APBB2: variants seen among roughly 807,000 people sequenced by gnomAD.
The protein encoded by APBB2 is amyloid beta precursor protein binding family B member 2.
A neutral mutation model predicts 82.5 loss-of-function variants in APBB2; 38 were observed. That is an observed-to-expected ratio of 0.46 (90% CI 0.36 to 0.60). The LOEUF (loss-of-function observed/expected upper bound fraction) is 0.60. Ranked by LOEUF, APBB2 falls within the 20% of genes least tolerant of loss-of-function variation. APBB2 has a pLI of 0.00. For synonymous variants in APBB2, 341 were observed against 368.2 expected, an observed-to-expected ratio of 0.93 and a Z score of 0.85; for missense variants, 772 against 972.3, an observed-to-expected ratio of 0.79 and a Z score of 2.74.
chr4:41,192,848 ACT>A (rs1451571574), intron 1 of APBB2, among the ~76,000 whole-genome samples: 4 of 152,138 alleles, frequency 2.6e-5, no homozygotes, highest in Admixed American at 2.0e-4. Flanking sequence ...ATGATTTTAC[ACT>A]CTCTATGTAT....
At chr4:41,197,376 C>A in intron 1 of APBB2, among the ~76,000 whole-genome samples, 1 of 152,094 alleles carries the variant, frequency 6.6e-6, no homozygotes, top group African/African-American at 2.4e-5. Context: ...ATAGCAAATA[C>A]AAGAATAATA....
chr4:40,861,955 CCA>C (rs1157402349), intron 12 of APBB2, among the ~76,000 whole-genome samples: 1 of 152,024 alleles, frequency 6.6e-6, no homozygotes. Context: ...ATGAAATATC[CCA>C]GTTTATTTAC....
rs1258403446 is a variant in APBB2, at chr4:40,832,849, CAT to C, written c.1530-2274_1530-2273del. 1.3e-5 allele frequency among the ~76,000 whole-genome samples: 2 copies of C among 152,200 alleles called. No individual in the cohort carries two copies. The highest frequency in any genetic ancestry group is 2.9e-5 in the Non-Finnish European group (2 of 68,036). On this transcript the variant is annotated intron_variant, in intron 12 of 17. Transcript: ENST00000508593. This position sits in a 1 kb window ranked among gnomAD's most constrained non-coding sequence, Gnocchi z 4.8. ...GCCTGGCGTATCACCGGTACTAATA[CAT>C]GTTTGCGGGCTGAGTACAAGTGTGG...
intron 4 of APBB2, among the ~76,000 whole-genome samples, chr4:41,052,506 A>T (rs116036862): frequency 0.024 from 3,629 of 152,260 alleles, 142 homozygotes; most frequent in African/African-American, 0.083. Context: ...GCTCTCGTAG[A>T]CAAGATCAAG....
intron 3 of APBB2, among the ~76,000 whole-genome samples, chr4:41,091,828 CA>C (rs1383653125): frequency 2.6e-5 from 4 of 152,076 alleles, no homozygotes; most frequent in Non-Finnish European, 5.9e-5. Flanking sequence ...GGTTTGAGGT[CA>C]GCAAAAAAAT....
At chr4:40,932,228 C>G (rs1002945822) in intron 10 of APBB2, among the ~76,000 whole-genome samples, 1 of 152,246 alleles carries the variant, frequency 6.6e-6, no homozygotes, top group Non-Finnish European at 1.5e-5. Flanking sequence ...CTCTTCCAGC[C>G]TTTGCTGATA....
At chr4:41,120,357 G>A (rs529415303) in intron 2 of APBB2, among the ~76,000 whole-genome samples, 1 of 152,202 alleles carries the variant, frequency 6.6e-6, no homozygotes, top group Non-Finnish European at 1.5e-5. Flanking sequence ...TGTTAACAAA[G>A]TGCCTTTGCA....
chr4:40,880,888 G>C (rs1201427190), intron 12 of APBB2: 1 of 984,866 alleles, frequency 1.0e-6, no homozygotes, highest in African/African-American at 1.7e-5. Context: ...AAATGGACGA[G>C]GTATTTCTCA....
intron 6 of APBB2, among the ~76,000 whole-genome samples, chr4:40,969,406 C>T (rs1795418936): frequency 1.3e-5 from 2 of 152,148 alleles, no homozygotes; most frequent in South Asian, 2.1e-4. Context: ...ATTTATTATA[C>T]AGGCAACACA....
intron 14 of APBB2, 108 bp downstream of exon 14, chr4:40,827,024 G>C (rs906987821): frequency 1.0e-6 from 1 of 979,792 alleles, no homozygotes; most frequent in African/African-American, 1.6e-5. Context: ...ACTGAGTTGA[G>C]TGTGCTCTTT....
At chr4:40,862,018 T>C (rs1232360217) in intron 12 of APBB2, among the ~76,000 whole-genome samples, 1 of 152,230 alleles carries the variant, frequency 6.6e-6, no homozygotes, top group East Asian at 1.9e-4. Flanking sequence ...CTCATCTTTC[T>C]TTCATAGAAA....
rs535863665 is a variant in APBB2 at position 41,076,580 on chromosome 4, A to G, written c.-148-10907T>C. Among the ~76,000 whole-genome samples the G allele has an allele frequency of 2.6e-5, 4 of 152,256 alleles. No homozygotes were observed. In the South Asian group the frequency reaches 8.3e-4, roughly 32 times the overall value. On this transcript the variant is annotated intron_variant, in intron 3 of 17. Coordinates refer to ENST00000508593, the MANE Select transcript of APBB2 (RefSeq NM_004307.2). Reference sequence around the variant, plus strand: ...TGGAGAAACTAACCTGCCCAAGAAAAGAGATCTACAGATACCAAAACTGGA... The same window carrying G: ...TGGAGAAACTAACCTGCCCAAGAAAGGAGATCTACAGATACCAAAACTGGA...
intron 4 of APBB2, among the ~76,000 whole-genome samples, chr4:41,037,691 C>T (rs564385200): frequency 1.3e-5 from 2 of 152,160 alleles, no homozygotes; most frequent in East Asian, 1.9e-4. Flanking sequence ...TTTCTACTGG[C>T]GAAGTCCTGA....
chr4:41,188,129 CAT>C (rs980368905), intron 1 of APBB2, among the ~76,000 whole-genome samples: 14 of 152,084 alleles, frequency 9.2e-5, no homozygotes, highest in African/African-American at 3.4e-4. Flanking sequence ...TCTAGGGGAA[CAT>C]GTGGAGGTTG....
intron 6 of APBB2, among the ~76,000 whole-genome samples, chr4:41,004,806 C>A (rs1806231191): frequency 7.7e-6 from 1 of 129,468 alleles, no homozygotes; most frequent in Non-Finnish European, 1.6e-5. Context: ...CACTGCACTC[C>A]AGCCTGGGCG....
intron 5 of APBB2, among the ~76,000 whole-genome samples, chr4:41,031,218 C>T (rs113825586): frequency 0.088 from 13,294 of 151,882 alleles, 715 homozygotes; most frequent in Admixed American, 0.15. Flanking sequence ...GAGCAAGACT[C>T]TGTCTCAAAA....
intron 6 of APBB2, among the ~76,000 whole-genome samples, chr4:40,968,463 TA>T (rs1419720686): frequency 6.6e-6 from 1 of 152,144 alleles, no homozygotes; most frequent in African/African-American, 2.4e-5. Flanking sequence ...CTACAGCTAT[TA>T]ATTTCTCATG....
chr4:40,988,064 T>C (rs1800889457), intron 6 of APBB2, among the ~76,000 whole-genome samples: 1 of 152,180 alleles, frequency 6.6e-6, no homozygotes, highest in South Asian at 2.1e-4. Context: ...CTAAATGAGA[T>C]AATGGAAATG....
Position 40,832,906 on chromosome 4 carries a change from G to A in APBB2, c.1530-2329C>T, listed in dbSNP as rs1409870307. On this transcript the variant is annotated intron_variant, in intron 12 of 17. Coordinates refer to ENST00000508593, the MANE Select transcript of APBB2 (RefSeq NM_004307.2). This position sits in a 1 kb window ranked among gnomAD's most constrained non-coding sequence, Gnocchi z 4.8. ...GTGGCACACATCCCTCCTTCCTGTT[G>A]GGAAAGTCGGTCCTTGCTCAGTACT... 6.6e-6 allele frequency among the ~76,000 whole-genome samples: 1 copy of A among 152,112 alleles called. No homozygotes were observed.
Sources: allele counts gnomAD v4.1 joint callset (sites outside exome capture counted in the v4.1 genomes callset), GRCh38; gene constraint gnomAD v4.1.1; non-coding constraint Gnocchi (gnomAD v3.1); transcripts MANE v1.5; gene names NCBI Gene and HGNC (gene_info 2026-07-23, HGNC 2026-07-21).